Variants in INPP4B observed in about 807,000 individuals in gnomAD.
INPP4B encodes inositol polyphosphate 4-phosphatase type II.
A neutral mutation model predicts 122.5 loss-of-function variants in INPP4B; 55 were observed. The ratio of observed to expected loss-of-function variants is 0.45; its 90% CI spans 0.36 to 0.56. The LOEUF (loss-of-function observed/expected upper bound fraction) is 0.56, where lower values mean the gene tolerates loss of function less well. INPP4B is among the 20% of genes least tolerant of loss of function. The pLI is 0.00. For synonymous variants in INPP4B, 403 were observed against 388.7 expected (o/e 1.04, Z -0.43); for missense variants, 1,000 against 1,097.7 (o/e 0.91, Z 1.26).
At chr4:142,765,888 C>T (rs181354980) in intron 1 of INPP4B, 2 of 151,030 alleles carry the variant, frequency 1.3e-5, no homozygotes, top group Admixed American at 1.3e-4. Context: ...GTCAATGTAT[C>T]ATTATTTTCC....
At chr4:142,708,659 G>A (rs1338282957) in intron 2 of INPP4B, among the ~76,000 whole-genome samples, 1 of 152,218 alleles carries the variant, frequency 6.6e-6, no homozygotes, top group Non-Finnish European at 1.5e-5. Flanking sequence ...TGAGGCTTGG[G>A]AGCCTCTGCC....
At chr4:142,254,663 A>G (rs1281794668) in intron 11 of INPP4B, among the ~76,000 whole-genome samples, 1 of 152,026 alleles carries the variant, frequency 6.6e-6, no homozygotes, top group Non-Finnish European at 1.5e-5. Flanking sequence ...AAAAAAGAAT[A>G]AAAAGAAATG....
At chr4:142,154,725 CTG>C (rs1816261476) in intron 17 of INPP4B, among the ~76,000 whole-genome samples, 1 of 152,086 alleles carries the variant, frequency 6.6e-6, no homozygotes, top group Non-Finnish European at 1.5e-5. Flanking sequence ...GAAATATTCT[CTG>C]TTTCAAAATA....
chr4:142,415,031 C>T (rs1008812498), intron 5 of INPP4B, among the ~76,000 whole-genome samples: 2 of 152,110 alleles, frequency 1.3e-5, no homozygotes, highest in African/African-American at 2.4e-5. Flanking sequence ...AAGAAGTAAG[C>T]GGAAAAAGAA....
chr4:142,530,064 T>G (rs757933987), intron 2 of INPP4B, among the ~76,000 whole-genome samples: 1 of 152,060 alleles, frequency 6.6e-6, no homozygotes, highest in Non-Finnish European at 1.5e-5. Flanking sequence ...TAGTGAATAA[T>G]ACTACTGACT....
intron 2 of INPP4B, among the ~76,000 whole-genome samples, chr4:142,570,912 C>T (rs1174313133): frequency 4.6e-5 from 7 of 151,796 alleles, no homozygotes; most frequent in African/African-American, 1.7e-4. Flanking sequence ...CCAAAGTCTA[C>T]CATCAGACCT....
intron 2 of INPP4B, among the ~76,000 whole-genome samples, chr4:142,605,852 A>G (rs12498873): frequency 0.024 from 3,648 of 152,008 alleles, 57 homozygotes; most frequent in Middle Eastern, 0.088. Flanking sequence ...GATTTCTCAA[A>G]AAAACAAAAA....
chr4:142,573,313 C>T (rs1733211976), intron 2 of INPP4B, among the ~76,000 whole-genome samples: 1 of 152,138 alleles, frequency 6.6e-6, no homozygotes, highest in Non-Finnish European at 1.5e-5. Flanking sequence ...AGCCACATCA[C>T]AGCACTTTGT....
intron 16 of INPP4B, among the ~76,000 whole-genome samples, chr4:142,163,564 C>T (rs1821188696): frequency 6.6e-6 from 1 of 151,866 alleles, no homozygotes; most frequent in African/African-American, 2.4e-5. Context: ...ACCACATTTA[C>T]ATAACTTTCA....
intron 2 of INPP4B, among the ~76,000 whole-genome samples, chr4:142,709,215 C>T (rs1191402379): frequency 6.6e-6 from 1 of 152,118 alleles, no homozygotes; most frequent in African/African-American, 2.4e-5. Context: ...AAGTAACTAA[C>T]TTGTTTTTAA....
intron 15 of INPP4B, among the ~76,000 whole-genome samples, chr4:142,189,712 A>C (rs576236230): frequency 6.6e-6 from 1 of 152,336 alleles, no homozygotes; most frequent in Admixed American, 6.5e-5. Flanking sequence ...AGGAAAAGGT[A>C]TAAATACATG....
At chr4:142,030,436 T>C (rs777846850) in intron 25 of INPP4B, 65 of 792,338 alleles carry the variant, frequency 8.2e-5, no homozygotes, top group Non-Finnish European at 1.1e-4. Flanking sequence ...TGAAATCTTA[T>C]GGTAAATTTC....
chr4:142,054,663 A>G (rs1018181775), intron 25 of INPP4B, among the ~76,000 whole-genome samples: 3 of 152,018 alleles, frequency 2.0e-5, no homozygotes, highest in African/African-American at 7.2e-5. Context: ...ATTTATTTTA[A>G]TATTTTCTGA....
intron 7 of INPP4B, among the ~76,000 whole-genome samples, chr4:142,372,644 C>T (rs985326379): frequency 2.6e-5 from 4 of 152,026 alleles, no homozygotes; most frequent in Non-Finnish European, 4.4e-5. Flanking sequence ...TCTCTCTTCC[C>T]AAGGTCTTAT....
intron 2 of INPP4B, among the ~76,000 whole-genome samples, chr4:142,696,498 C>T (rs976252917): frequency 2.6e-5 from 4 of 152,178 alleles, no homozygotes; most frequent in Admixed American, 1.3e-4. Context: ...CAGATACTCC[C>T]TTTCCCCACC....
chr4:142,781,300 T>G (rs1375896410), intron 1 of INPP4B, among the ~76,000 whole-genome samples: 3 of 152,236 alleles, frequency 2.0e-5, no homozygotes, highest in Non-Finnish European at 2.9e-5. Flanking sequence ...ATGTTTCCTC[T>G]GCTGATGAGT....
At chr4:142,290,938 C>T (rs192584198) in intron 9 of INPP4B, among the ~76,000 whole-genome samples, 90 of 152,164 alleles carry the variant, frequency 5.9e-4, no homozygotes, top group Non-Finnish European at 1.1e-3. Flanking sequence ...CAGCTATGTA[C>T]CAGGCACTAG....
chr4:142,188,639 C>A (rs1427980307), intron 15 of INPP4B, among the ~76,000 whole-genome samples: 4 of 149,336 alleles, frequency 2.7e-5, no homozygotes, highest in Non-Finnish European at 5.9e-5. Flanking sequence ...AGGGATCATG[C>A]TAGAAATAGA....
Position 142,621,020 on chromosome 4 carries a change from C to CT in INPP4B, c.-191+104818dup, listed in dbSNP as rs901081080. ...AAAACCTTAAATGCTATTGAAGGAG[C>CT]TTTTTTTTTAAATCTAGTGTATCTG... On this transcript the variant is annotated intron_variant, in intron 2 of 25. Coordinates refer to ENST00000262992, the MANE Select transcript of INPP4B (RefSeq NM_001101669.3). Among the ~76,000 whole-genome samples, 77 of 150,478 alleles carry CT rather than the reference C, an allele frequency of 5.1e-4. 1 individual carries two copies. The East Asian group carries it at 8.8e-3, about 17-fold the overall frequency.
Sources: gnomAD v4.1 joint callset for allele counts (sites outside exome capture counted in the v4.1 genomes callset) on GRCh38, gnomAD v4.1.1 for gene constraint, MANE v1.5 for transcripts, NCBI Gene and HGNC (gene_info 2026-07-23, HGNC 2026-07-21) for gene names.